Variants in CRADD observed in about 807,000 individuals in gnomAD.
The protein encoded by CRADD is death domain-containing protein CRADD.
A neutral mutation model predicts 15.5 loss-of-function variants in CRADD; 9 were observed. That is an observed-to-expected ratio of 0.58 (90% CI 0.35 to 1.01). The LOEUF is 1.01. Among genes scored for constraint, CRADD ranks in the 50% least tolerant of loss-of-function variants. The pLI is 0.02. For missense variants in CRADD, 227 were observed against 250.3 expected (o/e 0.91, Z 0.63); for synonymous variants, 118 against 107.6 (o/e 1.10, Z -0.60).
In CRADD at chr12:93,704,595, G is replaced by A. The variant is rs57889557; in HGVS notation, c.298+25523G>A. On this transcript the variant is annotated intron_variant, in intron 2 of 2. Coordinates refer to ENST00000332896, the MANE Select transcript of CRADD (RefSeq NM_003805.5). ...CAGTAGCCTCCACATGTACTTTCCC[G>A]TAAAACGTTTTCCACATGGCAATCA... Among the ~76,000 whole-genome samples the A allele has an allele frequency of 5.3e-3, 809 of 152,198 alleles. 3 individuals are homozygous for A. Among genetic ancestry groups the A allele is most frequent in the African/African-American group, 0.018 (762 of 41,516 alleles).
intron 2 of CRADD, among the ~76,000 whole-genome samples, chr12:93,791,887 C>T (rs1957353273): frequency 7.6e-6 from 1 of 131,916 alleles, no homozygotes; most frequent in Admixed American, 8.9e-5. Context: ...TGCAAATAGT[C>T]CTAATGGATT....
intron 2 of CRADD, chr12:93,733,794 A>G (rs1023708603): frequency 1.3e-5 from 2 of 150,244 alleles, no homozygotes; most frequent in Admixed American, 6.6e-5. Flanking sequence ...GCTAGACTGC[A>G]GTGGTGATCA....
intron 2 of CRADD, among the ~76,000 whole-genome samples, chr12:93,876,435 A>G (rs772003485): frequency 6.6e-6 from 1 of 152,082 alleles, no homozygotes; most frequent in Non-Finnish European, 1.5e-5. Flanking sequence ...TCTACCTCCT[A>G]TTTAAGGCCA....
chr12:93,779,591 CTTT>C (rs72096249), intron 2 of CRADD, among the ~76,000 whole-genome samples: 6 of 137,450 alleles, frequency 4.4e-5, no homozygotes, highest in Admixed American at 1.4e-4. Flanking sequence ...AAGAAAGAAC[CTTT>C]TTTTTTTTTT....
intron 2 of CRADD, among the ~76,000 whole-genome samples, chr12:93,703,207 T>G (rs1323897640): frequency 6.6e-6 from 1 of 151,726 alleles, no homozygotes; most frequent in Non-Finnish European, 1.5e-5. Context: ...TGCCATTAGG[T>G]GTTGATTTTT....
intron 2 of CRADD, chr12:93,837,780 G>A (rs371942546): frequency 1.1e-4 from 16 of 152,244 alleles, no homozygotes; most frequent in African/African-American, 3.9e-4. Context: ...AGCCTTAGAA[G>A]TCATCTGGTT....
intron 2 of CRADD, among the ~76,000 whole-genome samples, chr12:93,750,060 C>T (rs1353821227): frequency 6.6e-6 from 1 of 152,198 alleles, no homozygotes; most frequent in Admixed American, 6.5e-5. Flanking sequence ...AAGCAGACTA[C>T]TGTTTTAGCA....
chr12:93,753,017 G>A (rs183980698), intron 2 of CRADD, among the ~76,000 whole-genome samples: 40 of 152,122 alleles, frequency 2.6e-4, no homozygotes, highest in Admixed American at 1.4e-3. Flanking sequence ...GGAAAGACCC[G>A]CCCCCGTAAT....
intron 2 of CRADD, among the ~76,000 whole-genome samples, chr12:93,781,647 C>T (rs921790893): frequency 6.6e-6 from 1 of 152,198 alleles, no homozygotes; most frequent in Non-Finnish European, 1.5e-5. Context: ...AACAGCACCA[C>T]CTGTGAAGTA....
chr12:93,858,777 G>A (rs940199527), intron 2 of CRADD, among the ~76,000 whole-genome samples: 5 of 152,150 alleles, frequency 3.3e-5, no homozygotes, highest in African/African-American at 1.2e-4. Context: ...TGTAACACTT[G>A]GCCATTAAGA....
chr12:93,761,559 T>TA (rs554263858), intron 2 of CRADD, among the ~76,000 whole-genome samples: 1 of 152,106 alleles, frequency 6.6e-6, no homozygotes, highest in Non-Finnish European at 1.5e-5. Context: ...AGGAAGGTGG[T>TA]ACAGGTGGGA....
At chr12:93,683,442 G>C (rs569276997) in intron 2 of CRADD, among the ~76,000 whole-genome samples, 1 of 152,210 alleles carries the variant, frequency 6.6e-6, no homozygotes, top group Non-Finnish European at 1.5e-5. Context: ...AACACAGCTC[G>C]GTGCCTCCGG....
intron 2 of CRADD, among the ~76,000 whole-genome samples, chr12:93,820,796 A>C (rs896139801): frequency 3.3e-5 from 5 of 152,268 alleles, no homozygotes; most frequent in Non-Finnish European, 5.9e-5. Flanking sequence ...TATCACCCCC[A>C]TGCCCAGTCC....
At position 93,701,295 on chromosome 12, in the gene CRADD, G is replaced by GACACACACACACACACAC. The variant is rs55986038; in HGVS notation, c.298+22243_298+22260dup. On this transcript the variant is annotated intron_variant, in intron 2 of 2. Coordinates refer to ENST00000332896, the MANE Select transcript of CRADD (RefSeq NM_003805.5). ...CATATCCTTCTCTCTCTCTCTCTGT[G>GACACACACACACACACAC]ACACACACACACACACACACACACA... 3.3e-3 allele frequency among the ~76,000 whole-genome samples: 478 copies of GACACACACACACACACAC among 143,448 alleles called. 3 individuals are homozygous for GACACACACACACACACAC. Among genetic ancestry groups the GACACACACACACACACAC allele is most frequent in the African/African-American group, 0.012 (464 of 38,428 alleles). The allele number at this position is 143,448 out of a possible 152,430, so 94.1% of individuals were successfully genotyped here.
intron 2 of CRADD, among the ~76,000 whole-genome samples, chr12:93,706,756 C>T (rs1955959781): frequency 6.6e-6 from 1 of 152,220 alleles, no homozygotes; most frequent in African/African-American, 2.4e-5. Flanking sequence ...TCTATTCTGG[C>T]AGCATCCGAT....
At chr12:93,841,194 A>G (rs1460272804) in intron 2 of CRADD, among the ~76,000 whole-genome samples, 2 of 152,142 alleles carry the variant, frequency 1.3e-5, no homozygotes, top group Non-Finnish European at 2.9e-5. Context: ...CTTGTTCATG[A>G]TATGTTACTT....
At chr12:93,730,788 T>C (rs1956450447) in intron 2 of CRADD, among the ~76,000 whole-genome samples, 1 of 151,330 alleles carries the variant, frequency 6.6e-6, no homozygotes, top group Non-Finnish European at 1.5e-5. Context: ...CAATCTCGGC[T>C]CACTGCAACC....
At chr12:93,845,415 G>C (rs1232073357) in intron 2 of CRADD, among the ~76,000 whole-genome samples, 1 of 152,130 alleles carries the variant, frequency 6.6e-6, no homozygotes, top group Non-Finnish European at 1.5e-5. Flanking sequence ...TGCAGCAGAG[G>C]AATGCAAGAG....
At chr12:93,744,907 T>C (rs1420038414) in intron 2 of CRADD, among the ~76,000 whole-genome samples, 1 of 152,236 alleles carries the variant, frequency 6.6e-6, no homozygotes, top group Non-Finnish European at 1.5e-5. Context: ...ACCACCACTA[T>C]ATAAAATAAA....
Sources: gnomAD v4.1 joint callset for allele counts (sites outside exome capture counted in the v4.1 genomes callset) on GRCh38, gnomAD v4.1.1 for gene constraint, MANE v1.5 for transcripts, NCBI Gene and HGNC (gene_info 2026-07-23, HGNC 2026-07-21) for gene names.